ZSCAN5A: variants seen among roughly 807,000 people sequenced by gnomAD.
ZSCAN5A encodes zinc finger and SCAN domain-containing protein 5A.
Under a neutral mutation model 23.7 loss-of-function variants are expected in ZSCAN5A, and 12 were observed. That is an observed-to-expected ratio of 0.51 (90% CI 0.32 to 0.82). The LOEUF (loss-of-function observed/expected upper bound fraction) is 0.82, where lower values mean the gene tolerates loss of function less well. Among genes scored for constraint, ZSCAN5A ranks in the 40% least tolerant of loss-of-function variants. ZSCAN5A has a pLI of 0.03. For synonymous variants in ZSCAN5A, 257 were observed against 239.9 expected (o/e 1.07, Z -0.66); for missense variants, 597 against 617.9 (o/e 0.97, Z 0.36).
At chr19:56,292,054 G>A (rs2147162513) in intron 2 of ZSCAN5A, among the ~76,000 whole-genome samples, 1 of 152,254 alleles carries the variant, frequency 6.6e-6, no homozygotes, top group Non-Finnish European at 1.5e-5. Context: ...CATCCCAGTG[G>A]TGACGGTGGG....
chr19:56,233,860 T>A (rs1364352121), intron 2 of ZSCAN5A, among the ~76,000 whole-genome samples: 1 of 152,064 alleles, frequency 6.6e-6, no homozygotes, highest in Non-Finnish European at 1.5e-5. Context: ...GGAGCCACCC[T>A]CAGAATAACA....
intron 2 of ZSCAN5A, among the ~76,000 whole-genome samples, chr19:56,322,892 CTTTT>C (rs397859568): frequency 2.4e-5 from 3 of 126,820 alleles, no homozygotes; most frequent in Admixed American, 7.8e-5. Flanking sequence ...TTATTGGTTT[CTTTT>C]TTTTTTTTTT....
rs947705453 is a variant in ZSCAN5A at position 56,352,228 on chromosome 19, A to C, written c.-358+11007T>G. Among the ~76,000 whole-genome samples the C allele has an allele frequency of 2.0e-5, 3 of 152,124 alleles. 1 individual carries two copies. The highest frequency in any genetic ancestry group is 2.1e-4 in the South Asian group (1 of 4,830). On this transcript the variant is annotated intron_variant, in intron 2 of 6. Coordinates refer to the ZSCAN5A transcript ENST00000587340. The surrounding 1 kb of genome is among the most constrained non-coding windows in gnomAD (Gnocchi z 4.2). ...GCCATTCTCCTGCCTCAGCCTCCCAAGTAGCTGGGACTACAGGCGCCGATA... is the reference window on the plus strand; with the variant it reads ...GCCATTCTCCTGCCTCAGCCTCCCACGTAGCTGGGACTACAGGCGCCGATA...
At chr19:56,299,255 C>G (rs887753502) in intron 2 of ZSCAN5A, among the ~76,000 whole-genome samples, 2 of 151,988 alleles carry the variant, frequency 1.3e-5, no homozygotes, top group Non-Finnish European at 2.9e-5. Context: ...TCTACAGCCT[C>G]TGAGTAGCTG....
At chr19:56,278,014 T>C (rs1202974641) in intron 2 of ZSCAN5A, among the ~76,000 whole-genome samples, 1 of 152,220 alleles carries the variant, frequency 6.6e-6, no homozygotes, top group African/African-American at 2.4e-5. Flanking sequence ...AAAGGTATTA[T>C]TTTACATTTT....
intron 2 of ZSCAN5A, among the ~76,000 whole-genome samples, chr19:56,294,559 G>A (rs2039733582): frequency 6.6e-6 from 1 of 152,094 alleles, no homozygotes; most frequent in Admixed American, 6.5e-5. Context: ...GGTGGTCTCT[G>A]CTGCCACTCA....
chr19:56,232,726 T>G (rs1472912450), intron 2 of ZSCAN5A, among the ~76,000 whole-genome samples: 2 of 152,138 alleles, frequency 1.3e-5, no homozygotes, highest in East Asian at 1.9e-4. Flanking sequence ...TTGCCCAGGC[T>G]GAAGCACAGT....
At chr19:56,318,217 AAATACTTCACC>A (rs1166389198), upstream of ZSCAN5A, among the ~76,000 whole-genome samples, 1 of 151,532 alleles carries the variant, frequency 6.6e-6, no homozygotes, top group Non-Finnish European at 1.5e-5. Flanking sequence ...AGGAAAACAT[AAATACTTCACC>A]AGCTTTTTTT....
At chr19:56,275,918 C>G (rs1420286583) in intron 2 of ZSCAN5A, among the ~76,000 whole-genome samples, 1 of 152,168 alleles carries the variant, frequency 6.6e-6, no homozygotes, top group Non-Finnish European at 1.5e-5. Flanking sequence ...GATGGATGGG[C>G]TGATAGATGG....
intron 2 of ZSCAN5A, among the ~76,000 whole-genome samples, chr19:56,361,867 C>CA (rs1245891604): frequency 6.0e-5 from 9 of 151,252 alleles, no homozygotes; most frequent in East Asian, 1.9e-4. Flanking sequence ...CTTAAAAAAA[C>CA]AAAAAAAAGG....
intron 2 of ZSCAN5A, chr19:56,283,400 A>G (rs561373309): frequency 1.2e-4 from 19 of 152,288 alleles, no homozygotes; most frequent in African/African-American, 4.6e-4. Context: ...CAATATCTCC[A>G]TTTTAAAGAG....
chr19:56,331,425 A>C (rs2147437199), intron 2 of ZSCAN5A, among the ~76,000 whole-genome samples: 1 of 152,158 alleles, frequency 6.6e-6, no homozygotes, highest in South Asian at 2.1e-4. Context: ...CTTACAATTA[A>C]TGAACATGGA....
intron 2 of ZSCAN5A, among the ~76,000 whole-genome samples, chr19:56,251,032 C>T (rs2036297400): frequency 6.6e-6 from 1 of 152,024 alleles, no homozygotes; most frequent in Non-Finnish European, 1.5e-5. Flanking sequence ...CACCTGTAGT[C>T]CCAGCTACTT....
At chr19:56,346,466 T>C (rs1374386397) in intron 2 of ZSCAN5A, among the ~76,000 whole-genome samples, 1 of 147,390 alleles carries the variant, frequency 6.8e-6, no homozygotes, top group Non-Finnish European at 1.5e-5. Context: ...TCAAACTCCA[T>C]AAAGGAGTTG....
chr19:56,255,357 G>T (rs2036624492), intron 2 of ZSCAN5A, among the ~76,000 whole-genome samples: 1 of 152,130 alleles, frequency 6.6e-6, no homozygotes, highest in South Asian at 2.1e-4. Context: ...GGGAAGCTAT[G>T]GATTTGCCTG....
At chr19:56,347,613 A>G (rs549677194) in intron 2 of ZSCAN5A, 2 of 152,306 alleles carry the variant, frequency 1.3e-5, no homozygotes, top group East Asian at 1.9e-4. Flanking sequence ...AATGGACCAA[A>G]AGCCAGATAA....
intron 2 of ZSCAN5A, chr19:56,282,598 C>A: frequency 2.9e-6 from 2 of 697,250 alleles, no homozygotes; most frequent in Non-Finnish European, 3.5e-6. Context: ...CTTCTCTGGT[C>A]TGTTCACAGC....
chr19:56,311,699 G>A (rs571098629), intron 2 of ZSCAN5A, among the ~76,000 whole-genome samples: 1 of 152,232 alleles, frequency 6.6e-6, no homozygotes, highest in South Asian at 2.1e-4. Context: ...CACGATACAT[G>A]TGCAGGCTGT....
At chr19:56,233,476 T>C (rs1258359732) in intron 2 of ZSCAN5A, among the ~76,000 whole-genome samples, 1 of 152,166 alleles carries the variant, frequency 6.6e-6, no homozygotes, top group Non-Finnish European at 1.5e-5. Context: ...AATGGTTCCA[T>C]TGTTTGATGA....
Sources: allele counts gnomAD v4.1 joint callset (sites outside exome capture counted in the v4.1 genomes callset), GRCh38; gene constraint gnomAD v4.1.1; non-coding constraint Gnocchi (gnomAD v3.1); transcripts MANE v1.5; gene names NCBI Gene and HGNC (gene_info 2026-07-23, HGNC 2026-07-21).